Variants in ADA2 observed in about 807,000 individuals in gnomAD.
The protein encoded by ADA2 is adenosine deaminase CECR1.
In ADA2, 29 loss-of-function variants were observed where a neutral mutation model predicts 44.2. That is an observed-to-expected ratio of 0.66 (90% confidence interval 0.49 to 0.89). The LOEUF (loss-of-function observed/expected upper bound fraction) is 0.89. Among genes scored for constraint, ADA2 ranks in the 40% least tolerant of loss-of-function variants. The pLI, the probability that ADA2 is intolerant of heterozygous loss-of-function variation, is 0.00. For missense variants in ADA2, 637 were observed against 644.8 expected (o/e 0.99, Z 0.13); for synonymous variants, 215 against 234.9 (o/e 0.92, Z 0.77).
At chr22:17,185,065 CAT>C (rs1360270163) in intron 7 of ADA2, among the ~76,000 whole-genome samples, 5 of 146,520 alleles carry the variant, frequency 3.4e-5, no homozygotes, top group South Asian at 4.3e-4. Context: ...CTATGTAGCA[CAT>C]GTGTTTTGGT....
rs1186065858 is a variant in ADA2 at position 17,182,781 on chromosome 22, C to G, written c.1082-20G>C. The G allele has an allele frequency of 6.5e-7, 1 of 1,546,714 alleles. No homozygotes were observed. The highest frequency in any genetic ancestry group is 2.2e-5 in the East Asian group (1 of 44,844). ...GCCAGTCTGAACACACGGGAATGGT[C>G]TTCCATGGGGGATGGATGGGTCTGG... On this transcript the variant is annotated intron_variant, in intron 7 of 9. Transcript: ENST00000399837.
rs774963498 is a variant in ADA2, at chr22:17,189,998, G to A, written c.916C>T (p.Arg306Ter). The change falls in exon 6 of 10, where the codon CGA becomes TGA. Residue 306 changes from arginine (R) to a stop codon, truncating the protein, a stop_gained. Coordinates refer to ENST00000399837, the MANE Select transcript of ADA2 (RefSeq NM_001282225.2). LOFTEE classifies it high-confidence loss of function. ...TTGATTCGGAGCCCCATGGCCATTC[G>A]GATGGATTCTGCGATGACAGCCACA... The part of the protein sequence containing the change: ...KDVAVIAESI[R>*]MAMGLRIKFP... The A allele has an allele frequency of 9.9e-6, 16 of 1,613,794 alleles. No homozygotes were observed. Among genetic ancestry groups the A allele is most frequent in the Middle Eastern group, 1.6e-4 (1 of 6,082 alleles).
chr22:17,199,829 A>G, intron 4 of ADA2: 1 of 1,260,846 alleles, frequency 7.9e-7, no homozygotes, highest in Non-Finnish European at 1.0e-6. Flanking sequence ...CTGTAATCCT[A>G]GTACTTTGGG....
At chr22:17,212,444 T>C (rs2062428700) in intron 1 of ADA2, among the ~76,000 whole-genome samples, 1 of 152,132 alleles carries the variant, frequency 6.6e-6, no homozygotes, top group Non-Finnish European at 1.5e-5. Context: ...GCTAATTTTT[T>C]TGTATTTGTA....
intron 3 of ADA2, among the ~76,000 whole-genome samples, chr22:17,204,623 A>G (rs2123702555): frequency 6.7e-6 from 1 of 149,014 alleles, no homozygotes; most frequent in East Asian, 2.1e-4. Flanking sequence ...AAAAAAAAAG[A>G]AGAAGAAGAA....
chr22:17,209,619 G>C lies in ADA2; in HGVS notation c.59C>G (p.Ala20Gly), dbSNP rs762121627. Residue 20 changes from alanine to glycine, a missense_variant, in exon 2 of 10, where the codon GCA (alanine) becomes GGA (glycine). Ala to Gly is a moderately conservative substitution (Grantham distance 60). Coordinates refer to ENST00000399837, the MANE Select transcript of ADA2 (RefSeq NM_001282225.2). ...PALCFLLLAVAMSFFGSALSI... is the reference protein window; with the variant it reads ...PALCFLLLAVGMSFFGSALSI... Reference sequence around the variant, plus strand: ...TAGAGCTGAGCCGAAGAAAGACATTGCCACAGCCAACAGCAAGAAGCACAG... The same window carrying C: ...TAGAGCTGAGCCGAAGAAAGACATTCCCACAGCCAACAGCAAGAAGCACAG... 2 of 1,614,056 alleles carry C rather than the reference G, an allele frequency of 1.2e-6. No homozygotes were observed. The highest frequency in any genetic ancestry group is 3.3e-5 in the Admixed American group (2 of 60,010).
chr22:17,209,945 C>T (rs2062400799), intron 1 of ADA2: 3 of 410,022 alleles, frequency 7.3e-6, no homozygotes, highest in South Asian at 3.5e-5. Context: ...GGCTGGAGCA[C>T]GGTGGTGCAA....
chr22:17,193,357 GCAA>G (rs1295887002), intron 4 of ADA2: 598 of 47,676 alleles, frequency 0.013, 35 homozygotes, highest in Non-Finnish European at 0.014. Flanking sequence ...CGTAAAAACT[GCAA>G]AAAAAAAAAA....
chr22:17,190,161 C>T lies in ADA2; in HGVS notation c.882-129G>A, dbSNP rs2123645214. 1.5e-5 allele frequency: 10 copies of T among 681,972 alleles called. No homozygotes were observed. The South Asian group carries it at 1.7e-4, about 12-fold the overall frequency. The allele number at this position is 681,972 out of a possible 1,614,324, so 42.2% of individuals were successfully genotyped here. A position where few individuals can be genotyped will look rare whatever the true frequency, so the allele number is the denominator to read the frequency against. ...GGTCCCGTTTCCCAAACCTGAGGCA[C>T]CCCTGCCCTCCTGACCCCACCCTGA... On this transcript the variant is annotated intron_variant, in intron 5 of 9. Transcript: ENST00000399837.
chr22:17,219,952 A>G (rs1474178688), upstream of ADA2, among the ~76,000 whole-genome samples: 1 of 152,124 alleles, frequency 6.6e-6, no homozygotes, highest in East Asian at 1.9e-4. Context: ...CTGGAATTAC[A>G]GGCGTGAGCC....
At chr22:17,216,142 G>A (rs1213744429) in intron 1 of ADA2, among the ~76,000 whole-genome samples, 29 of 151,714 alleles carry the variant, frequency 1.9e-4, no homozygotes, top group Middle Eastern at 3.4e-3. Context: ...AGCCGATATC[G>A]CACCACTGCA....
rs2061985072 is a variant in ADA2, at chr22:17,182,585, C to T, written c.1239+19G>A. 1 of 1,613,508 alleles carries T rather than the reference C, an allele frequency of 6.2e-7. No individual in the cohort carries two copies. Among genetic ancestry groups the T allele is most frequent in the African/African-American group, 1.3e-5 (1 of 74,896 alleles). ...GTTAGGGGAGATCATATGGGATTAG[C>T]CACATGGGTCACACATACCTGGTTA... On this transcript the variant is annotated intron_variant, in intron 8 of 9. Transcript: ENST00000399837.
chr22:17,193,302 A>G, intron 4 of ADA2: 2 of 682,352 alleles, frequency 2.9e-6, no homozygotes, highest in Non-Finnish European at 5.3e-6. Context: ...GCAGCAAAGA[A>G]AATGAGTAGA....
intron 7 of ADA2, among the ~76,000 whole-genome samples, chr22:17,186,531 G>C (rs1355742908): frequency 2.0e-5 from 3 of 150,858 alleles, no homozygotes; most frequent in Non-Finnish European, 4.4e-5. Flanking sequence ...GCAGTGAGCC[G>C]AGATCGCACC....
chr22:17,209,982 C>T (rs1454221146), intron 1 of ADA2: 1 of 318,782 alleles, frequency 3.1e-6, no homozygotes, highest in African/African-American at 2.2e-5. Flanking sequence ...GCTCCGCCTC[C>T]TGGGTTCACA....
chr22:17,181,748 G>T, intron 9 of ADA2, 72 bp downstream of exon 9: 2 of 1,351,882 alleles, frequency 1.5e-6, no homozygotes, highest in Non-Finnish European at 2.1e-6. Context: ...TCTGCCTCAA[G>T]CCTCCAGAGA....
chr22:17,196,408 G>T (rs1054102709), intron 4 of ADA2, among the ~76,000 whole-genome samples: 7 of 151,580 alleles, frequency 4.6e-5, no homozygotes, highest in Non-Finnish European at 8.8e-5. Flanking sequence ...TAAATAAAAG[G>T]CGTTTGAAAT....
rs545137685 is a variant in ADA2 at position 17,188,707 on chromosome 22, A to G, written c.973-260T>C. 7.4e-3 allele frequency: 1,764 copies of G among 236,962 alleles called. 12 individuals carry two copies. Among genetic ancestry groups the G allele is most frequent in the Non-Finnish European group, 0.01 (1,229 of 120,766 alleles). The allele number at this position is 236,962 out of a possible 1,614,324, so 14.7% of individuals were successfully genotyped here. A position where few individuals can be genotyped will look rare whatever the true frequency, so the allele number is the denominator to read the frequency against. On this transcript the variant is annotated intron_variant, in intron 6 of 9. Coordinates refer to ENST00000399837, the MANE Select transcript of ADA2 (RefSeq NM_001282225.2). ...ATCCTGGCTAACACAGTGAAACCCC[A>G]TCTCTACTAAAAATACAAAAAATTA...
chr22:17,213,382 T>C (rs1219864300), intron 1 of ADA2: 1 of 163,720 alleles, frequency 6.1e-6, no homozygotes. Context: ...AAGGGATACC[T>C]GTACTCGGAT....
Sources: allele counts gnomAD v4.1 joint callset (sites outside exome capture counted in the v4.1 genomes callset), GRCh38; gene constraint gnomAD v4.1.1; transcripts MANE v1.5; gene names NCBI Gene and HGNC (gene_info 2026-07-23, HGNC 2026-07-21).